Variants in AHNAK observed in about 807,000 individuals in gnomAD.
AHNAK encodes the protein AHNAK nucleoprotein.
AHNAK carries 23 observed loss-of-function variants against 37.8 expected under a neutral mutation model. That is an observed-to-expected ratio of 0.61 (90% CI 0.44 to 0.86). AHNAK has a LOEUF of 0.86. Ranked by LOEUF, AHNAK falls within the 40% of genes least tolerant of loss-of-function variation. The probability of loss-of-function intolerance (pLI) is 0.00; values close to 1 mark genes in which losing one functional copy is unlikely to be tolerated. For synonymous variants in AHNAK, 2,481 were observed against 2,636.3 expected, an observed-to-expected ratio of 0.94 and a Z score of 1.80; for missense variants, 7,411 against 7,319.4, an observed-to-expected ratio of 1.01 and a Z score of -0.46.
chr11:62,474,973 CAG>C (rs1939112848), intron 5 of AHNAK, among the ~76,000 whole-genome samples: 1 of 152,114 alleles, frequency 6.6e-6, no homozygotes, highest in Non-Finnish European at 1.5e-5. Flanking sequence ...GGGACAGTGA[CAG>C]AGGCGAGGTG....
At chr11:62,484,151 A>G (rs1320502252) in intron 5 of AHNAK, among the ~76,000 whole-genome samples, 1 of 152,030 alleles carries the variant, frequency 6.6e-6, no homozygotes, top group Non-Finnish European at 1.5e-5. Context: ...CTGAGGCAGG[A>G]GGATCACTTG....
intron 5 of AHNAK, among the ~76,000 whole-genome samples, chr11:62,458,798 T>C (rs914112765): frequency 1.3e-5 from 2 of 152,062 alleles, no homozygotes; most frequent in African/African-American, 4.8e-5. Flanking sequence ...GGAGGGCTTA[T>C]TCAATGTGAA....
At position 62,455,573 on chromosome 11, in the gene AHNAK, C is replaced by T. The variant is rs921277890; in HGVS notation, c.443-21682G>A. Among the ~76,000 whole-genome samples, 21 of 152,138 alleles carry T rather than the reference C, an allele frequency of 1.4e-4. 1 individual carries two copies. The highest frequency in any genetic ancestry group is 2.1e-4 in the South Asian group (1 of 4,816). On this transcript the variant is annotated intron_variant, in intron 5 of 5. Transcript: ENST00000257247. ...ATACAAAATTAGCCAGGAGTGGTGG[C>T]GCATGCCTATAATCCCAGCTACTCA...
Position 62,527,117 on chromosome 11 carries a change from C to G in AHNAK, c.7300G>C (p.Gly2434Arg), listed in dbSNP as rs374129131. Residue 2434 changes from glycine to arginine, a missense_variant, in exon 5 of 5, where the codon GGC becomes CGC. Gly to Arg is a moderately radical substitution (Grantham distance 125). Coordinates refer to ENST00000378024, the MANE Select transcript of AHNAK (RefSeq NM_001620.3). The stretch of plus-strand genomic sequence containing the variant: ...TTGAACTTAGGGCCTTTCAATTTGC[C>G]CTCTGGTCCCTCAATGTCAATGTCT... ...GPDIDIEGPE[G>R]KLKGPKFKMP... is the part of the protein sequence containing the mutation. 1 of 1,614,084 alleles carries G rather than the reference C, an allele frequency of 6.2e-7. No homozygotes were observed. The highest frequency in any genetic ancestry group is 8.5e-7 in the Non-Finnish European group (1 of 1,180,014).
intron 1 of AHNAK, among the ~76,000 whole-genome samples, chr11:62,545,261 C>G (rs1228382981): frequency 6.6e-6 from 1 of 152,262 alleles, no homozygotes; most frequent in Non-Finnish European, 1.5e-5. Flanking sequence ...ACACAACCCT[C>G]AGTGGCCTCA....
chr11:62,442,698 C>T lies in AHNAK; in HGVS notation c.443-8807G>A, dbSNP rs567472311. 3.4e-3 allele frequency among the ~76,000 whole-genome samples: 516 copies of T among 151,890 alleles called. 12 individuals are homozygous for T. The highest frequency in any genetic ancestry group is 4.1e-3 in the Non-Finnish European group (280 of 67,958). On this transcript the variant is annotated intron_variant, in intron 5 of 5. Transcript: ENST00000257247. ...CCAGCCTGGCCAACATGGCGAAACC[C>T]ATCTGTACTAAGAATACAAAATTAA...
chr11:62,521,868 G>A lies in AHNAK; in HGVS notation c.12549C>T (p.Asp4183=). 3 of 1,612,946 alleles carry A rather than the reference G, an allele frequency of 1.9e-6. No homozygotes were observed. Among genetic ancestry groups the A allele is most frequent in the Non-Finnish European group, 2.5e-6 (3 of 1,179,838 alleles). ...DVPDVDVQGP[D]WHLKMPKVKM... The stretch of plus-strand genomic sequence containing the variant: ...TCACTTTGGGCATTTTTAAGTGCCA[G>A]TCTGGGCCTTGAACGTCCACATCTG... The change falls in exon 5 of 5, where the codon GAC becomes GAT. Residue 4183 remains aspartate, a synonymous_variant. Transcript: ENST00000378024.
At chr11:62,496,059 A>G (rs911398637) in intron 4 of AHNAK, among the ~76,000 whole-genome samples, 2 of 152,024 alleles carry the variant, frequency 1.3e-5, no homozygotes. Context: ...AAAAAAAAAA[A>G]AAGAAGAAAG....
intron 5 of AHNAK, among the ~76,000 whole-genome samples, chr11:62,445,669 C>G (rs1334549466): frequency 6.6e-6 from 1 of 152,064 alleles, no homozygotes; most frequent in African/African-American, 2.4e-5. Flanking sequence ...TAGTGACCCA[C>G]GATTGTACCT....
In AHNAK at chr11:62,532,559, G is replaced by T; in HGVS notation, c.1858C>A (p.His620Asn). The change falls in exon 5 of 5, where the codon CAT (histidine) becomes AAT (asparagine). Residue 620 changes from histidine (H) to asparagine (N), a missense_variant. Physicochemically the swap from His to Asn is moderately conservative, Grantham distance 68. Transcript: ENST00000378024. Reference sequence around the variant, plus strand: ...ATTTTCAGGTTCCATTCTGGGCCATGCGCTTCGACATCTGGGGCACTGACA... The same window carrying T: ...ATTTTCAGGTTCCATTCTGGGCCATTCGCTTCGACATCTGGGGCACTGACA... ...VDVSAPDVEAHGPEWNLKMPK... is the reference protein window; with the variant it reads ...VDVSAPDVEANGPEWNLKMPK... 1 of 1,614,132 alleles carries T rather than the reference G, an allele frequency of 6.2e-7. No individual in the cohort carries two copies. The highest frequency in any genetic ancestry group is 8.5e-7 in the Non-Finnish European group (1 of 1,180,032).
exon 5 of AHNAK, chr11:62,491,788 T>C: frequency 6.2e-7 from 1 of 1,613,172 alleles, no homozygotes; most frequent in African/African-American, 1.3e-5. Context: ...TTCCTTCTGT[T>C]TGTTCTGGTC....
Position 62,528,090 on chromosome 11 carries a change from C to T in AHNAK, c.6327G>A (p.Glu2109=). 1 of 1,612,134 alleles carries T rather than the reference C, an allele frequency of 6.2e-7. No homozygotes were observed. The highest frequency in any genetic ancestry group is 1.1e-5 in the South Asian group (1 of 90,960). ...KLKGPKLKMP[E]MHFKAPKISM... is the part of the protein sequence containing the mutation. ...AGATCTTGGGGGCCTTGAAGTGCATCTCAGGCATCTTAAGCTTGGGGCCCT... is the reference window on the plus strand; with the variant it reads ...AGATCTTGGGGGCCTTGAAGTGCATTTCAGGCATCTTAAGCTTGGGGCCCT... Residue 2109 remains glutamate, a synonymous_variant, in exon 5 of 5, where the codon GAG becomes GAA. Transcript: ENST00000378024.
chr11:62,470,783 A>C (rs982803723), intron 5 of AHNAK, among the ~76,000 whole-genome samples: 1 of 151,790 alleles, frequency 6.6e-6, no homozygotes, highest in African/African-American at 2.4e-5. Context: ...ACCAACCTCC[A>C]TCTGTCACCT....
chr11:62,530,210 C>A lies in AHNAK; in HGVS notation c.4207G>T (p.Asp1403Tyr), dbSNP rs1420562616. Reference protein sequence around the residue: ...PGFKGEGPEVDVKLPKADVDV... With the variant: ...PGFKGEGPEVYVKLPKADVDV... ...ACGTCAGCTTTGGGCAGCTTCACAT[C>A]CACTTCAGGGCCCTCTCCTTTGAAG... Residue 1403 changes from aspartate to tyrosine, a missense_variant, in exon 5 of 5, where the codon GAT becomes TAT. Asp to Tyr is a radical substitution (Grantham distance 160). Transcript: ENST00000378024. 1 of 1,613,156 alleles carries A rather than the reference C, an allele frequency of 6.2e-7. No homozygotes were observed. The highest frequency in any genetic ancestry group is 2.2e-5 in the East Asian group (1 of 44,814).
chr11:62,527,210 C>G lies in AHNAK; in HGVS notation c.7207G>C (p.Glu2403Gln). The G allele has an allele frequency of 6.2e-7, 1 of 1,612,196 alleles. No individual in the cohort carries two copies. The highest frequency in any genetic ancestry group is 1.1e-5 in the South Asian group (1 of 90,600). The change falls in exon 5 of 5, where the codon GAG becomes CAG. Residue 2403 changes from glutamate (E) to glutamine (Q), a missense_variant. Glu to Gln is a conservative substitution (Grantham distance 29, BLOSUM62 2). Coordinates refer to ENST00000378024, the MANE Select transcript of AHNAK (RefSeq NM_001620.3). ...LHLKSPKAKGEVDVDVPKLEG... is the reference protein window; with the variant it reads ...LHLKSPKAKGQVDVDVPKLEG... ...AATTTGGGAACATCTACATCCACCT[C>G]TCCTTTTGCCTTGGGGCTCTTCAAG...
chr11:62,477,529 G>A lies in AHNAK; in HGVS notation c.442+14203C>T, dbSNP rs576530813. Among the ~76,000 whole-genome samples, 115 of 152,332 alleles carry A rather than the reference G, an allele frequency of 7.5e-4. 1 individual carries two copies. Among genetic ancestry groups the A allele is most frequent in the African/African-American group, 2.7e-3 (114 of 41,574 alleles). The stretch of plus-strand genomic sequence containing the variant: ...ACCTAAAATAAAAGTTATAGGGCAA[G>A]TGCCGTGGCTCACGCCTGTAATCCC... On this transcript the variant is annotated intron_variant, in intron 5 of 5. Transcript: ENST00000257247.
Position 62,535,070 on chromosome 11 carries a change from C to T in AHNAK, c.275G>A (p.Arg92His), listed in dbSNP as rs761577951. The T allele has an allele frequency of 2.2e-5, 36 of 1,613,812 alleles. No individual in the cohort carries two copies. The highest frequency in any genetic ancestry group is 6.7e-5 in the Admixed American group (4 of 60,006). Residue 92 changes from arginine to histidine, a missense_variant, in exon 4 of 5, where the codon CGC becomes CAC. Transcript: ENST00000378024. ...VGLKLHRKGDRSPEPGQTWTR... is the reference protein window; with the variant it reads ...VGLKLHRKGDHSPEPGQTWTR... ...CCAGGTCTGGCCAGGCTCGGGAGAGCGGTCCCCCTTGCGGTGCAGCTTCAG... is the reference window on the plus strand; with the variant it reads ...CCAGGTCTGGCCAGGCTCGGGAGAGTGGTCCCCCTTGCGGTGCAGCTTCAG...
At chr11:62,454,714 G>A (rs898565894) in intron 5 of AHNAK, among the ~76,000 whole-genome samples, 1 of 151,972 alleles carries the variant, frequency 6.6e-6, no homozygotes, top group Non-Finnish European at 1.5e-5. Context: ...GAGAAGAGTG[G>A]GAGGGGGAGG....
Position 62,518,545 on chromosome 11 carries a change from T to C in AHNAK, c.15872A>G (p.Asn5291Ser), listed in dbSNP as rs1267285829. The part of the protein sequence containing the change: ...KGPGVDLPSV[N>S]LSMPKVSGPD... ...CCCAGAGACTTTTGGCATAGAGAGG[T>C]TCACTGAAGGCAAGTCTACTCCTGG... The change falls in exon 5 of 5, where the codon AAC becomes AGC. Residue 5291 changes from asparagine to serine, a missense_variant. Physicochemically the swap from Asn to Ser is conservative, Grantham distance 46. Transcript: ENST00000378024. 1 of 1,613,950 alleles carries C rather than the reference T, an allele frequency of 6.2e-7. No homozygotes were observed. Among genetic ancestry groups the C allele is most frequent in the Non-Finnish European group, 8.5e-7 (1 of 1,179,978 alleles).
Sources: gnomAD v4.1 joint callset for allele counts (sites outside exome capture counted in the v4.1 genomes callset) on GRCh38, gnomAD v4.1.1 for gene constraint, MANE v1.5 for transcripts, NCBI Gene and HGNC (gene_info 2026-07-23, HGNC 2026-07-21) for gene names.